PACRG: variants seen among roughly 807,000 people sequenced by gnomAD.
PACRG encodes the protein parkin coregulated gene protein.
PACRG carries 29 observed loss-of-function variants against 29.7 expected under a neutral mutation model. That is an observed-to-expected ratio of 0.98 (90% CI 0.73 to 1.33). The LOEUF (loss-of-function observed/expected upper bound fraction) is 1.33, where lower values mean the gene tolerates loss of function less well. Among genes scored for constraint, PACRG ranks in the 40% most tolerant of loss-of-function variants. The pLI is 0.00. For missense variants in PACRG, 279 were observed against 316.2 expected, an observed-to-expected ratio of 0.88 and a Z score of 0.89; for synonymous variants, 116 against 118.7, an observed-to-expected ratio of 0.98 and a Z score of 0.15.
At position 163,177,906 on chromosome 6, in the gene PACRG, G is replaced by A. The variant is rs1320400649; in HGVS notation, c.613+88498G>A. ...GTGGGAACTGTGGCCACAGGTCAAC[G>A]CTTCTCTTCCCTGCTGGACCATTTG... On this transcript the variant is annotated intron_variant, in intron 4 of 4. Transcript: ENST00000366888. Among the ~76,000 whole-genome samples, 4 of 151,836 alleles carry A rather than the reference G, an allele frequency of 2.6e-5. No individual in the cohort carries two copies. The East Asian group carries it at 5.9e-4, about 22-fold the overall frequency.
intron 1 of PACRG, among the ~76,000 whole-genome samples, chr6:162,749,309 C>G (rs886071342): frequency 6.6e-6 from 1 of 152,132 alleles, no homozygotes; most frequent in Non-Finnish European, 1.5e-5. Flanking sequence ...CACCGACTGT[C>G]AAGAAGGTGA....
At chr6:163,006,090 TATATATA>T (rs536030611) in intron 2 of PACRG, among the ~76,000 whole-genome samples, 43 of 143,296 alleles carry the variant, frequency 3.0e-4, no homozygotes, top group African/African-American at 9.7e-4. Context: ...GTTTTGTTTA[TATATATA>T]ATATATAATA....
chr6:163,214,552 A>G, intron 4 of PACRG, among the ~76,000 whole-genome samples: 1 of 151,822 alleles, frequency 6.6e-6, no homozygotes, highest in East Asian at 1.9e-4. Flanking sequence ...TTTTAAATCC[A>G]TTCATATATA....
intron 4 of PACRG, among the ~76,000 whole-genome samples, chr6:163,136,759 A>T (rs1222545210): frequency 6.6e-6 from 1 of 152,230 alleles, no homozygotes; most frequent in Non-Finnish European, 1.5e-5. Context: ...TGCAAAATCC[A>T]TTTTATGCCA....
At chr6:163,204,070 A>C (rs919120822) in intron 4 of PACRG, among the ~76,000 whole-genome samples, 1 of 152,254 alleles carries the variant, frequency 6.6e-6, no homozygotes, top group Non-Finnish European at 1.5e-5. Flanking sequence ...AAATGAACTA[A>C]AAATATGAAG....
At position 162,801,281 on chromosome 6, in the gene PACRG, G is replaced by A. The variant is rs146071264; in HGVS notation, c.157-12866G>A. ...GTACCACCATGCCCGGCTAATTTTT[G>A]TATTTTTAGTAGACATGGGGTTTCA... On this transcript the variant is annotated intron_variant, in intron 1 of 4. Transcript: ENST00000366888. Among the ~76,000 whole-genome samples, 855 of 152,070 alleles carry A rather than the reference G, an allele frequency of 5.6e-3. 7 individuals carry two copies. The highest frequency in any genetic ancestry group is 0.018 in the African/African-American group (766 of 41,474).
chr6:163,171,098 C>T (rs1476891600), intron 4 of PACRG, among the ~76,000 whole-genome samples: 3 of 151,970 alleles, frequency 2.0e-5, no homozygotes, highest in African/African-American at 7.2e-5. Flanking sequence ...AATGCAGGTT[C>T]GACCATAATT....
intron 4 of PACRG, among the ~76,000 whole-genome samples, chr6:163,264,599 G>A (rs1783457605): frequency 6.6e-6 from 1 of 152,216 alleles, no homozygotes; most frequent in Non-Finnish European, 1.5e-5. Context: ...CCTAGACAGA[G>A]ATTGGTGGGG....
At chr6:163,158,469 T>A (rs1446968733) in intron 4 of PACRG, among the ~76,000 whole-genome samples, 1 of 152,126 alleles carries the variant, frequency 6.6e-6, no homozygotes, top group African/African-American at 2.4e-5. Flanking sequence ...TTTATGCAAA[T>A]AGCCAAGAGC....
intron 2 of PACRG, among the ~76,000 whole-genome samples, chr6:163,031,840 C>T (rs550699069): frequency 2.4e-4 from 37 of 152,260 alleles, no homozygotes; most frequent in Non-Finnish European, 4.9e-4. Flanking sequence ...TCTTTACTTA[C>T]CACAGGTCAG....
intron 4 of PACRG, among the ~76,000 whole-genome samples, chr6:163,243,654 C>T (rs1434259649): frequency 2.6e-5 from 4 of 152,198 alleles, no homozygotes; most frequent in South Asian, 4.1e-4. Flanking sequence ...GTGGTCTCCT[C>T]CAGGTTCTGG....
At position 162,814,290 on chromosome 6, in the gene PACRG, G is replaced by A. The variant is rs200691930; in HGVS notation, c.291+9G>A. On this transcript the variant is annotated intron_variant, in intron 2 of 4. Transcript: ENST00000366888. ...ACAAAATCGCCTGGAAGGTAAGTCAGGGCACAGCTGTGCCGGCCAGCTGCA... is the reference window on the plus strand; with the variant it reads ...ACAAAATCGCCTGGAAGGTAAGTCAAGGCACAGCTGTGCCGGCCAGCTGCA... The A allele has an allele frequency of 3.6e-4, 582 of 1,612,826 alleles. 1 individual carries two copies. The highest frequency in any genetic ancestry group is 3.3e-4 in the Middle Eastern group (2 of 6,080).
At chr6:162,801,364 C>A (rs1199856182) in intron 1 of PACRG, among the ~76,000 whole-genome samples, 2 of 152,114 alleles carry the variant, frequency 1.3e-5, no homozygotes, top group Non-Finnish European at 2.9e-5. Context: ...CCCCCTTGGC[C>A]TCCCAAAATG....
intron 4 of PACRG, among the ~76,000 whole-genome samples, chr6:163,288,478 T>C (rs1784472926): frequency 6.6e-6 from 1 of 152,218 alleles, no homozygotes; most frequent in East Asian, 1.9e-4. Context: ...GCAGGATCAG[T>C]ACAAGGATTA....
chr6:163,247,691 C>G (rs373084331), intron 4 of PACRG, among the ~76,000 whole-genome samples: 1 of 151,836 alleles, frequency 6.6e-6, no homozygotes, highest in Non-Finnish European at 1.5e-5. Context: ...TCTATTAGGA[C>G]CCCCCTCCAT....
intron 2 of PACRG, among the ~76,000 whole-genome samples, chr6:162,986,534 A>G (rs767138718): frequency 3.3e-5 from 5 of 152,114 alleles, no homozygotes; most frequent in Non-Finnish European, 7.4e-5. Context: ...CTGGATTCCC[A>G]TCTCTCACCT....
chr6:163,061,283 C>G (rs1250377831), intron 2 of PACRG, among the ~76,000 whole-genome samples: 1 of 152,180 alleles, frequency 6.6e-6, no homozygotes, highest in Non-Finnish European at 1.5e-5. Context: ...GGCAGTAGCT[C>G]AGGCCACAGG....
chr6:163,006,807 T>G (rs1284111824), intron 2 of PACRG, among the ~76,000 whole-genome samples: 6 of 152,036 alleles, frequency 3.9e-5, no homozygotes, highest in Non-Finnish European at 7.4e-5. Context: ...TTTTCATTTT[T>G]TAATTTTAAC....
rs13214172 is a variant in PACRG, at chr6:163,105,700, T to C, written c.613+16292T>C. On this transcript the variant is annotated intron_variant, in intron 4 of 4. Coordinates refer to ENST00000366888, the MANE Select transcript of PACRG (RefSeq NM_001080379.2). ...CTAGACCAGGAAGATAAACATGTTTTTAGAATTCTATTATCAAAGCTATGG... is the reference window on the plus strand; with the variant it reads ...CTAGACCAGGAAGATAAACATGTTTCTAGAATTCTATTATCAAAGCTATGG... Among the ~76,000 whole-genome samples the C allele has an allele frequency of 5.1e-3, 782 of 152,282 alleles. 7 individuals carry two copies. Among genetic ancestry groups the C allele is most frequent in the Non-Finnish European group, 6.6e-3 (447 of 67,970 alleles).
Sources: allele counts gnomAD v4.1 joint callset (sites outside exome capture counted in the v4.1 genomes callset), GRCh38; gene constraint gnomAD v4.1.1; transcripts MANE v1.5; gene names NCBI Gene and HGNC (gene_info 2026-07-23, HGNC 2026-07-21).